The following MAGI2 variants were observed in gnomAD, a reference collection of about 807,000 sequenced individuals.
MAGI2 encodes membrane-associated guanylate kinase, WW and PDZ domain-containing protein 2.
MAGI2 carries 35 observed loss-of-function variants against 133.3 expected under a neutral mutation model. That is an observed-to-expected ratio of 0.26 (90% CI 0.20 to 0.35). MAGI2 has a LOEUF of 0.35. Ranked by LOEUF, MAGI2 falls within the 10% of genes least tolerant of loss-of-function variation. MAGI2 has a pLI of 1.00. For missense variants in MAGI2, 1,636 were observed against 1,863.4 expected (o/e 0.88, Z 2.25); for synonymous variants, 729 against 710.6 (o/e 1.03, Z -0.41).
At chr7:78,399,022 T>G (rs546261122) in intron 6 of MAGI2, among the ~76,000 whole-genome samples, 2 of 152,344 alleles carry the variant, frequency 1.3e-5, no homozygotes, top group Non-Finnish European at 2.9e-5. Context: ...TACTTTTAAA[T>G]AAGTAAAATG....
intron 2 of MAGI2, among the ~76,000 whole-genome samples, chr7:78,668,263 C>A (rs375832976): frequency 6.6e-6 from 1 of 151,608 alleles, no homozygotes; most frequent in African/African-American, 2.4e-5. Context: ...TTGTAAATTT[C>A]TTTGAGTTCA....
At chr7:79,071,387 C>T (rs913164716) in intron 1 of MAGI2, among the ~76,000 whole-genome samples, 1 of 152,094 alleles carries the variant, frequency 6.6e-6, no homozygotes, top group Non-Finnish European at 1.5e-5. Context: ...GTCTGTTGGC[C>T]CCTGCTGGGA....
At chr7:78,800,375 G>T (rs535943081) in intron 2 of MAGI2, among the ~76,000 whole-genome samples, 1 of 152,156 alleles carries the variant, frequency 6.6e-6, no homozygotes, top group South Asian at 2.1e-4. Context: ...CCATATTGTG[G>T]CTCCCTTCTC....
rs1210365074 is a variant in MAGI2 at position 79,229,141 on chromosome 7, GA to G, written c.302-221936del. Reference sequence around the variant, plus strand: ...ATTCCTAGATTTGTACTAAGCACAGGAAAAAAAAAAACAACAACATAAGACA... The same window carrying G: ...ATTCCTAGATTTGTACTAAGCACAGGAAAAAAAAAACAACAACATAAGACA... On this transcript the variant is annotated intron_variant, in intron 1 of 21. Transcript: ENST00000354212. Among the ~76,000 whole-genome samples the G allele has an allele frequency of 2.0e-3, 277 of 140,248 alleles. 4 individuals carry two copies. The East Asian group carries it at 0.034, about 17-fold the overall frequency. 92.0% of individuals were successfully genotyped at this position (140,248 alleles called of 152,430 possible). A position where few individuals can be genotyped will look rare whatever the true frequency, so the allele number is the denominator to read the frequency against.
chr7:78,120,728 G>A (rs1820360121), intron 20 of MAGI2, among the ~76,000 whole-genome samples: 1 of 152,066 alleles, frequency 6.6e-6, no homozygotes, highest in Admixed American at 6.5e-5. Flanking sequence ...TGGACCGGGC[G>A]CGGTGGCTCA....
At chr7:78,032,100 T>C (rs891730355) in intron 21 of MAGI2, among the ~76,000 whole-genome samples, 8 of 150,938 alleles carry the variant, frequency 5.3e-5, no homozygotes, top group African/African-American at 1.7e-4. Flanking sequence ...AGCTGTCCAA[T>C]TGTGTTATTG....
At chr7:79,353,620 G>A in intron 1 of MAGI2, 1 of 394,672 alleles carries the variant, frequency 2.5e-6, no homozygotes, top group Non-Finnish European at 5.1e-6. Context: ...CAAGGAGCAG[G>A]TGCTGGAGAT....
chr7:78,085,482 C>G (rs1816516764), intron 20 of MAGI2, among the ~76,000 whole-genome samples: 1 of 151,776 alleles, frequency 6.6e-6, no homozygotes. Context: ...ATGATTGCAC[C>G]TCTGTATTCC....
intron 2 of MAGI2, among the ~76,000 whole-genome samples, chr7:78,840,354 A>C (rs1307918771): frequency 6.6e-6 from 1 of 152,026 alleles, no homozygotes; most frequent in Non-Finnish European, 1.5e-5. Context: ...AGCCATGTAG[A>C]GTTGCTTATG....
intron 1 of MAGI2, among the ~76,000 whole-genome samples, chr7:79,427,225 C>G (rs779273678): frequency 6.6e-6 from 1 of 152,040 alleles, no homozygotes; most frequent in Admixed American, 6.6e-5. Context: ...GCTTGAATAT[C>G]TAAACTTGAA....
intron 2 of MAGI2, among the ~76,000 whole-genome samples, chr7:78,724,366 G>C (rs193020832): frequency 6.6e-6 from 1 of 152,294 alleles, no homozygotes; most frequent in East Asian, 1.9e-4. Context: ...TCAAATGAGA[G>C]AGTCAGATGA....
chr7:79,130,864 T>C (rs574730019), intron 1 of MAGI2, among the ~76,000 whole-genome samples: 1 of 152,312 alleles, frequency 6.6e-6, no homozygotes, highest in Non-Finnish European at 1.5e-5. Flanking sequence ...TGGTTATCTG[T>C]TGGATTATGG....
chr7:78,830,562 TGTATTCTGGTTAAAATA>T (rs1363645561), intron 2 of MAGI2, among the ~76,000 whole-genome samples: 5 of 152,228 alleles, frequency 3.3e-5, no homozygotes, highest in African/African-American at 4.8e-5. Flanking sequence ...ACAATTTAAT[TGTATTCTGGTTAAAATA>T]ATATGTATTT....
At position 79,171,779 on chromosome 7, in the gene MAGI2, T is replaced by A. The variant is rs1305714005; in HGVS notation, c.302-164573A>T. 5.7e-4 allele frequency among the ~76,000 whole-genome samples: 68 copies of A among 119,540 alleles called. 1 individual carries two copies. Among genetic ancestry groups the A allele is most frequent in the East Asian group, 2.8e-3 (12 of 4,314 alleles). 78.4% of individuals were successfully genotyped at this position (119,540 alleles called of 152,430 possible). ...ATATATATATATATATATTTTTTTT[T>A]TTTTTTTCTTTTAAAGGGTCTCCAA... is the stretch of plus-strand genomic sequence containing the variant. On this transcript the variant is annotated intron_variant, in intron 1 of 21. Transcript: ENST00000354212.
intron 2 of MAGI2, among the ~76,000 whole-genome samples, chr7:78,746,784 T>C (rs1390035036): frequency 2.6e-5 from 4 of 152,200 alleles, no homozygotes; most frequent in African/African-American, 9.6e-5. Flanking sequence ...TTTCTAGTTT[T>C]TTTTACAAAG....
At chr7:78,689,212 A>T (rs1816694596) in intron 2 of MAGI2, among the ~76,000 whole-genome samples, 1 of 152,168 alleles carries the variant, frequency 6.6e-6, no homozygotes, top group Admixed American at 6.5e-5. Context: ...AAATGTTTAA[A>T]ATTATCTATC....
intron 1 of MAGI2, among the ~76,000 whole-genome samples, chr7:79,169,184 A>G (rs1825277850): frequency 6.6e-6 from 1 of 151,926 alleles, no homozygotes; most frequent in African/African-American, 2.4e-5. Flanking sequence ...TTGCTCCTCC[A>G]TAAATGTTGG....
intron 6 of MAGI2, among the ~76,000 whole-genome samples, chr7:78,383,045 T>A (rs1017269800): frequency 2.0e-5 from 3 of 152,302 alleles, no homozygotes; most frequent in African/African-American, 4.8e-5. Flanking sequence ...ATATCTTTGC[T>A]ATTTTGAATA....
intron 3 of MAGI2, among the ~76,000 whole-genome samples, chr7:78,535,027 G>T (rs1289315539): frequency 6.6e-6 from 1 of 152,168 alleles, no homozygotes; most frequent in Non-Finnish European, 1.5e-5. Flanking sequence ...CAGCTACTTG[G>T]GAGGCTGAGG....
Sources: gnomAD v4.1 joint callset for allele counts (sites outside exome capture counted in the v4.1 genomes callset) on GRCh38, gnomAD v4.1.1 for gene constraint, MANE v1.5 for transcripts, NCBI Gene and HGNC (gene_info 2026-07-23, HGNC 2026-07-21) for gene names.